Variants in TMCC1 observed in about 807,000 individuals in gnomAD.
TMCC1 encodes transmembrane and coiled-coil domain family 1.
Under a neutral mutation model 52.4 loss-of-function variants are expected in TMCC1, and 15 were observed. The ratio of observed to expected loss-of-function variants is 0.29; its 90% CI spans 0.19 to 0.44. The LOEUF (loss-of-function observed/expected upper bound fraction) is 0.44. Ranked by LOEUF, TMCC1 falls within the 20% of genes least tolerant of loss-of-function variation. TMCC1 has a pLI of 1.00. For synonymous variants in TMCC1, 279 were observed against 301.9 expected (o/e 0.92, Z 0.79); for missense variants, 503 against 806.0 (o/e 0.62, Z 4.55).
At chr3:129,767,838 T>C (rs1034938732) in intron 4 of TMCC1, among the ~76,000 whole-genome samples, 11 of 152,236 alleles carry the variant, frequency 7.2e-5, no homozygotes, top group Admixed American at 5.9e-4. Context: ...ATTTGAATGC[T>C]TTACTAAAGG....
At chr3:129,760,640 G>A (rs927446299) in intron 4 of TMCC1, among the ~76,000 whole-genome samples, 8 of 151,928 alleles carry the variant, frequency 5.3e-5, no homozygotes, top group Non-Finnish European at 1.0e-4. Flanking sequence ...ACCATGCCCG[G>A]CTAATTTTTT....
At chr3:129,791,596 A>G (rs1038780452) in intron 4 of TMCC1, among the ~76,000 whole-genome samples, 2 of 152,170 alleles carry the variant, frequency 1.3e-5, no homozygotes, top group Non-Finnish European at 2.9e-5. Flanking sequence ...CAGGTTCTAG[A>G]CTATTTTGGA....
At position 129,683,604 on chromosome 3, in the gene TMCC1, TA is replaced by T. The variant is rs763216988; in HGVS notation, c.577-12341del. Among the ~76,000 whole-genome samples the T allele has an allele frequency of 4.6e-5, 7 of 152,282 alleles. No individual in the cohort carries two copies. In the East Asian group the frequency reaches 1.3e-3, roughly 29 times the overall value. ...TTCTTTGTTTTGTTTTTCATAGATT[TA>T]GGGGGTACAAATGCAGTTTTGTTAC... On this transcript the variant is annotated intron_variant, in intron 4 of 6. Coordinates refer to ENST00000393238, the MANE Select transcript of TMCC1 (RefSeq NM_001017395.5).
intron 2 of TMCC1, among the ~76,000 whole-genome samples, chr3:129,865,619 CATA>C (rs1201404536): frequency 1.3e-5 from 2 of 152,126 alleles, no homozygotes; most frequent in Non-Finnish European, 2.9e-5. Context: ...TAATTCCTTG[CATA>C]ATGTCTGGCA....
chr3:129,732,903 T>G (rs1471800644), intron 4 of TMCC1, among the ~76,000 whole-genome samples: 2 of 152,224 alleles, frequency 1.3e-5, no homozygotes. Context: ...GCCTTCCCAT[T>G]CTTTGAACCA....
At chr3:129,794,350 AGC>A (rs1349058268) in intron 4 of TMCC1, 14 of 456,144 alleles carry the variant, frequency 3.1e-5, no homozygotes, top group Non-Finnish European at 5.3e-5. Context: ...CTGAGGCTAA[AGC>A]GCTGAACCAT....
chr3:129,779,156 C>A (rs1253425196), intron 4 of TMCC1, among the ~76,000 whole-genome samples: 1 of 152,138 alleles, frequency 6.6e-6, no homozygotes, highest in Non-Finnish European at 1.5e-5. Flanking sequence ...TAAGAATGGT[C>A]ATGTGCTTTC....
At chr3:129,686,247 T>C (rs1255320844) in intron 4 of TMCC1, among the ~76,000 whole-genome samples, 1 of 152,182 alleles carries the variant, frequency 6.6e-6, no homozygotes, top group African/African-American at 2.4e-5. Flanking sequence ...TGGATCTACC[T>C]CTCTAGATAC....
chr3:129,731,903 G>A (rs1426802986), intron 4 of TMCC1, among the ~76,000 whole-genome samples: 1 of 152,190 alleles, frequency 6.6e-6, no homozygotes, highest in African/African-American at 2.4e-5. Context: ...GGGATTACAG[G>A]TGTGAGCCAC....
chr3:129,760,667 C>T (rs2053492163), intron 4 of TMCC1, among the ~76,000 whole-genome samples: 1 of 151,806 alleles, frequency 6.6e-6, no homozygotes, highest in Non-Finnish European at 1.5e-5. Flanking sequence ...TTAGTAGAGA[C>T]GGGGTTTCAC....
At chr3:129,715,475 G>A (rs904422563) in intron 4 of TMCC1, among the ~76,000 whole-genome samples, 2 of 152,124 alleles carry the variant, frequency 1.3e-5, no homozygotes, top group Non-Finnish European at 2.9e-5. Flanking sequence ...CAGGAGAATC[G>A]CTTGAACCTG....
chr3:129,682,006 G>A (rs939746392), intron 4 of TMCC1, among the ~76,000 whole-genome samples: 10 of 152,000 alleles, frequency 6.6e-5, no homozygotes, highest in Middle Eastern at 6.8e-3. Flanking sequence ...TACTTTTAGA[G>A]GTTCCATGCA....
At chr3:129,766,557 C>A (rs192012798) in intron 4 of TMCC1, among the ~76,000 whole-genome samples, 3 of 152,272 alleles carry the variant, frequency 2.0e-5, no homozygotes, top group African/African-American at 7.2e-5. Context: ...TATTAAAAAT[C>A]AAATGGTTAT....
At chr3:129,690,747 A>C (rs148315281) in intron 4 of TMCC1, among the ~76,000 whole-genome samples, 4 of 152,326 alleles carry the variant, frequency 2.6e-5, no homozygotes, top group African/African-American at 9.6e-5. Flanking sequence ...TAAATGGAGG[A>C]CAGCTGCCCT....
At chr3:129,794,513 T>C (rs941766605) in intron 4 of TMCC1, among the ~76,000 whole-genome samples, 1 of 151,608 alleles carries the variant, frequency 6.6e-6, no homozygotes, top group African/African-American at 2.4e-5. Context: ...AAAGCCTTCA[T>C]TGTTCTATCA....
intron 2 of TMCC1, among the ~76,000 whole-genome samples, chr3:129,844,466 C>T (rs902292342): frequency 2.6e-5 from 4 of 152,146 alleles, no homozygotes; most frequent in African/African-American, 9.7e-5. Flanking sequence ...GTATATGATA[C>T]ATATGCAAGA....
intron 4 of TMCC1, among the ~76,000 whole-genome samples, chr3:129,677,142 G>A (rs949750017): frequency 1.5e-4 from 23 of 152,146 alleles, no homozygotes; most frequent in African/African-American, 5.5e-4. Context: ...GCACACGTCT[G>A]TAGTCCCAGC....
intron 4 of TMCC1, among the ~76,000 whole-genome samples, chr3:129,698,770 G>A (rs1043748578): frequency 6.6e-6 from 1 of 151,916 alleles, no homozygotes. Context: ...ACGTTTTTAA[G>A]GAGTTGTAAA....
intron 4 of TMCC1, among the ~76,000 whole-genome samples, chr3:129,752,195 A>G (rs1235765709): frequency 6.6e-6 from 1 of 152,182 alleles, no homozygotes; most frequent in Non-Finnish European, 1.5e-5. Flanking sequence ...TGGCATCAGC[A>G]GAATGTTTTC....
Sources: gnomAD v4.1 joint callset for allele counts (sites outside exome capture counted in the v4.1 genomes callset) on GRCh38, gnomAD v4.1.1 for gene constraint, MANE v1.5 for transcripts, NCBI Gene and HGNC (gene_info 2026-07-23, HGNC 2026-07-21) for gene names.